The following GALK2 variants were observed in gnomAD, a reference collection of about 807,000 sequenced individuals.
The protein encoded by GALK2 is galactokinase 2.
A neutral mutation model predicts 52.4 loss-of-function variants in GALK2; 36 were observed. The ratio of observed to expected loss-of-function variants is 0.69; its 90% confidence interval spans 0.53 to 0.91. GALK2 has a LOEUF of 0.91. Among genes scored for constraint, GALK2 ranks in the 40% least tolerant of loss-of-function variants. The pLI, the probability that GALK2 is intolerant of heterozygous loss-of-function variation, is 0.00. For synonymous variants in GALK2, 176 were observed against 199.1 expected, an observed-to-expected ratio of 0.88 and a Z score of 0.98; for missense variants, 579 against 559.1, an observed-to-expected ratio of 1.04 and a Z score of -0.36.
Position 49,217,081 on chromosome 15 carries a change from T to G in GALK2, c.143-109T>G, listed in dbSNP as rs1040633350. ...TGCTCTGCTTCCCTTTATTTTTATTTACTGTTAAAACCTGGCTCATGGTCA... is the reference window on the plus strand; with the variant it reads ...TGCTCTGCTTCCCTTTATTTTTATTGACTGTTAAAACCTGGCTCATGGTCA... On this transcript the variant is annotated intron_variant, in intron 2 of 9. Coordinates refer to ENST00000560031, the MANE Select transcript of GALK2 (RefSeq NM_002044.4). 4.7e-6 allele frequency: 4 copies of G among 843,066 alleles called. No individual in the cohort carries two copies. The African/African-American group carries it at 6.8e-5, about 14-fold the overall frequency. 52.2% of individuals were successfully genotyped at this position (843,066 alleles called of 1,614,324 possible). A position where few individuals can be genotyped will look rare whatever the true frequency, so the allele number is the denominator to read the frequency against.
chr15:49,329,626 A>T lies in GALK2; in HGVS notation c.*1467A>T. 1.0e-6 allele frequency: 1 copy of T among 985,024 alleles called. No individual in the cohort carries two copies. Among genetic ancestry groups the T allele is most frequent in the African/African-American group, 1.7e-5 (1 of 57,346 alleles). 61.0% of individuals were successfully genotyped at this position (985,024 alleles called of 1,614,324 possible). On this transcript the variant is annotated 3_prime_UTR_variant, in exon 10 of 10. Transcript: ENST00000560031. The stretch of plus-strand genomic sequence containing the variant: ...CTGATGCATTTTCATTCTTAGCAGA[A>T]AGGTAAATGCTTGAGAAAGCTTGAG...
Position 49,217,290 on chromosome 15 carries a change from G to A in GALK2, c.243G>A (p.Leu81=). 6.2e-7 allele frequency: 1 copy of A among 1,613,840 alleles called. No homozygotes were observed. The part of the protein sequence containing the change: ...VEPVKTYALQ[L]ANTNPLYPDF... ...CTGTGAAAACGTACGCTCTCCAACTGGCCAATACAAATCCCTTGTATCCGT... is the reference window on the plus strand; with the variant it reads ...CTGTGAAAACGTACGCTCTCCAACTAGCCAATACAAATCCCTTGTATCCGT... The change falls in exon 3 of 10, where the codon CTG becomes CTA. Residue 81 remains leucine (L), a synonymous_variant. Coordinates refer to ENST00000560031, the MANE Select transcript of GALK2 (RefSeq NM_002044.4).
chr15:49,302,926 A>T (rs1391430316), intron 8 of GALK2, among the ~76,000 whole-genome samples: 1 of 152,240 alleles, frequency 6.6e-6, no homozygotes, highest in African/African-American at 2.4e-5. Context: ...AACAAAGTAT[A>T]AAAGAATAAA....
At chr15:49,206,565 GTATTT>G (rs1260436791) in intron 2 of GALK2, among the ~76,000 whole-genome samples, 3 of 151,906 alleles carry the variant, frequency 2.0e-5, no homozygotes, top group Admixed American at 2.0e-4. Context: ...ATATTCCTGA[GTATTT>G]TATTTTATTT....
chr15:49,231,046 T>A (rs1317450161), intron 3 of GALK2, among the ~76,000 whole-genome samples: 1 of 152,218 alleles, frequency 6.6e-6, no homozygotes, highest in Non-Finnish European at 1.5e-5. Flanking sequence ...CTTCTAATTC[T>A]GTGGGAGCTG....
At chr15:49,274,324 T>C (rs1340260341) in intron 5 of GALK2, among the ~76,000 whole-genome samples, 1 of 152,184 alleles carries the variant, frequency 6.6e-6, no homozygotes, top group African/African-American at 2.4e-5. Context: ...CTGAATACTA[T>C]AGGCAGTTGT....
intron 2 of GALK2, among the ~76,000 whole-genome samples, chr15:49,206,531 G>C (rs2088300589): frequency 6.6e-6 from 1 of 151,762 alleles, no homozygotes; most frequent in Non-Finnish European, 1.5e-5. Flanking sequence ...TCCTTGTAGA[G>C]GTCTTTTGAC....
intron 1 of GALK2, among the ~76,000 whole-genome samples, chr15:49,179,735 C>G (rs1046090456): frequency 6.6e-6 from 1 of 151,074 alleles, no homozygotes; most frequent in Non-Finnish European, 1.5e-5. Flanking sequence ...AATACTTTGG[C>G]CAATTCCCCA....
At chr15:49,177,429 G>T (rs145314860) in intron 1 of GALK2, among the ~76,000 whole-genome samples, 3 of 152,238 alleles carry the variant, frequency 2.0e-5, no homozygotes, top group African/African-American at 7.2e-5. Flanking sequence ...CTAGAAACAA[G>T]AGACATCATC....
At chr15:49,237,448 TGTTTTTTGTTTTTG>T (rs1336436949) in intron 4 of GALK2, among the ~76,000 whole-genome samples, 1 of 152,100 alleles carries the variant, frequency 6.6e-6, no homozygotes, top group African/African-American at 2.4e-5. Flanking sequence ...CATAATACGT[TGTTTTTTGTTTTTG>T]TTTTTTTGTT....
At chr15:49,365,369 G>C in intron 3 of GALK2, 4 of 1,344,306 alleles carry the variant, frequency 3.0e-6, no homozygotes, top group Non-Finnish European at 4.3e-6. Context: ...AACTGTAGAG[G>C]AAACATAGTA....
rs979042721 is a variant in GALK2, at chr15:49,254,079, T to C, written c.504+14712T>C. 1.4e-5 allele frequency among the ~76,000 whole-genome samples: 2 copies of C among 144,688 alleles called. 1 individual carries two copies. Among genetic ancestry groups the C allele is most frequent in the Non-Finnish European group, 3.1e-5 (2 of 64,406 alleles). The allele number at this position is 144,688 out of a possible 152,430, so 94.9% of individuals were successfully genotyped here. On this transcript the variant is annotated intron_variant, in intron 5 of 9. Coordinates refer to ENST00000560031, the MANE Select transcript of GALK2 (RefSeq NM_002044.4). ...AACTTTTCTCCCTAAAGAGAGATGA[T>C]TGTATCACTTTCTTATGAGCATCTT...
chr15:49,192,562 T>G lies in GALK2; in HGVS notation c.54-8600T>G, dbSNP rs547760860. Reference sequence around the variant, plus strand: ...ATCTTCAGGGCAAATTCTTAGATAGTGGATTGCTAGGTAAAAATTAATGAC... The same window carrying G: ...ATCTTCAGGGCAAATTCTTAGATAGGGGATTGCTAGGTAAAAATTAATGAC... On this transcript the variant is annotated intron_variant, in intron 1 of 9. Coordinates refer to ENST00000560031, the MANE Select transcript of GALK2 (RefSeq NM_002044.4). Among the ~76,000 whole-genome samples, 154 of 144,044 alleles carry G rather than the reference T, an allele frequency of 1.1e-3. 1 individual carries two copies. The highest frequency in any genetic ancestry group is 3.9e-3 in the African/African-American group (151 of 38,512). The allele number at this position is 144,044 out of a possible 152,430, so 94.5% of individuals were successfully genotyped here. A position where few individuals can be genotyped will look rare whatever the true frequency, so the allele number is the denominator to read the frequency against.
At chr15:49,167,603 C>T (rs1467117737), upstream of GALK2, among the ~76,000 whole-genome samples, 1 of 152,204 alleles carries the variant, frequency 6.6e-6, no homozygotes, top group Non-Finnish European at 1.5e-5. Context: ...AGGTGATCTG[C>T]CCACCTTGGC....
At chr15:49,363,887 T>C (rs2044678909) in intron 3 of GALK2, among the ~76,000 whole-genome samples, 1 of 152,146 alleles carries the variant, frequency 6.6e-6, no homozygotes, top group African/African-American at 2.4e-5. Context: ...TGGGTCTGTT[T>C]TTAGTTCTGT....
At chr15:49,337,466 GT>G in intron 3 of GALK2, among the ~76,000 whole-genome samples, 1 of 77,972 alleles carries the variant, frequency 1.3e-5, no homozygotes, top group Middle Eastern at 9.6e-3. Context: ...TTTTGCATAT[GT>G]TTGTTGGACA....
chr15:49,186,422 T>C (rs574506367), intron 1 of GALK2, among the ~76,000 whole-genome samples: 27 of 152,308 alleles, frequency 1.8e-4, no homozygotes, highest in African/African-American at 6.5e-4. Flanking sequence ...TTCTTCAGTA[T>C]TTCAATTGAG....
At chr15:49,276,015 T>C (rs1287339876) in intron 5 of GALK2, among the ~76,000 whole-genome samples, 2 of 152,348 alleles carry the variant, frequency 1.3e-5, no homozygotes, top group Non-Finnish European at 2.9e-5. Context: ...CTGTAAATAA[T>C]GTCAGGTGTC....
chr15:49,237,419 C>T (rs1187938254), intron 4 of GALK2, among the ~76,000 whole-genome samples: 1 of 152,146 alleles, frequency 6.6e-6, no homozygotes, highest in Non-Finnish European at 1.5e-5. Context: ...ATTTGTTATA[C>T]ATTTTCATTT....
Sources: gnomAD v4.1 joint callset for allele counts (sites outside exome capture counted in the v4.1 genomes callset) on GRCh38, gnomAD v4.1.1 for gene constraint, MANE v1.5 for transcripts, NCBI Gene and HGNC (gene_info 2026-07-23, HGNC 2026-07-21) for gene names.